Variants in POLG observed in about 807,000 individuals in gnomAD.
POLG encodes the protein DNA polymerase gamma, catalytic subunit.
In POLG, 110 loss-of-function variants were observed where a neutral mutation model predicts 155.4. The ratio of observed to expected loss-of-function variants is 0.71; its 90% CI spans 0.61 to 0.83. The LOEUF is 0.83. POLG is among the 40% of genes least tolerant of loss of function. The pLI is 0.00. For missense variants in POLG, 1,685 were observed against 1,627.5 expected, an observed-to-expected ratio of 1.04 and a Z score of -0.61; for synonymous variants, 701 against 631.5, an observed-to-expected ratio of 1.11 and a Z score of -1.65.
At chr15:89,317,759 C>CATACT in intron 21 of POLG, 1 of 477,322 alleles carries the variant, frequency 2.1e-6, no homozygotes, top group African/African-American at 2.0e-5. Flanking sequence ...ACTCAACATA[C>CATACT]TTTTTTTTTT....
intron 1 of POLG, chr15:89,334,152 T>TTTTTA: frequency 3.1e-6 from 1 of 325,322 alleles, no homozygotes; most frequent in South Asian, 2.8e-5. Context: ...AAGAGAGCAG[T>TTTTTA]ATCTGGAGTA....
chr15:89,327,902 TG>T (rs1372505433), intron 6 of POLG, among the ~76,000 whole-genome samples: 1 of 152,190 alleles, frequency 6.6e-6, no homozygotes, highest in African/African-American at 2.4e-5. Context: ...TTTCTCCTCA[TG>T]ATTTTCTTAA....
At position 89,317,381 on chromosome 15, in the gene POLG, G is replaced by A. The variant is rs1338265836; in HGVS notation, c.3638C>T (p.Pro1213Leu). 6 of 1,613,834 alleles carry A rather than the reference G, an allele frequency of 3.7e-6. No individual in the cohort carries two copies. In the Admixed American group the frequency reaches 1.0e-4, roughly 27 times the overall value. ...PTGMERRYGI[P>L]QGEALDIYQI... is the part of the protein sequence containing the mutation. The stretch of plus-strand genomic sequence containing the variant: ...AACAAATGTGTTGTGCTCACCCTGG[G>A]GAATCCCGTATCTCCTTTCCATCCC... The change falls in exon 22 of 23, where the codon CCC (proline) becomes CTC (leucine). Residue 1213 changes from proline to leucine, a missense_variant. Physicochemically the swap from Pro to Leu is moderately conservative, Grantham distance 98. Coordinates refer to ENST00000268124, the MANE Select transcript of POLG (RefSeq NM_002693.3).
chr15:89,319,188 A>G lies in POLG; in HGVS notation c.3104+40T>C, dbSNP rs752818140. 1.9e-6 allele frequency: 3 copies of G among 1,614,082 alleles called. No individual in the cohort carries two copies. The Admixed American group carries it at 5.0e-5, about 27-fold the overall frequency. ...ATCCAAGCTCTTCTGGGGCAAGCCC[A>G]GACCCCTCCCTCCATCCTTAACACA... On this transcript the variant is annotated intron_variant, in intron 19 of 22. Coordinates refer to ENST00000268124, the MANE Select transcript of POLG (RefSeq NM_002693.3).
intron 13 of POLG, 114 bp from the exon 14 acceptor site, chr15:89,323,016 A>AGGTTCT: frequency 9.4e-7 from 1 of 1,067,856 alleles, no homozygotes; most frequent in Non-Finnish European, 1.4e-6. Context: ...CAGCAGTCTG[A>AGGTTCT]GGCAAATCCC....
At chr15:89,329,796 G>A (rs1183039700) in intron 3 of POLG, among the ~76,000 whole-genome samples, 1 of 152,164 alleles carries the variant, frequency 6.6e-6, no homozygotes, top group East Asian at 1.9e-4. Context: ...AGTGAGCCCA[G>A]GCTGTGGCTC....
At position 89,323,368 on chromosome 15, in the gene POLG, G is replaced by A. The variant is rs757303144; in HGVS notation, c.2265+36C>T. The A allele has an allele frequency of 3.6e-6, 5 of 1,374,924 alleles. No individual in the cohort carries two copies. The African/African-American group carries it at 4.3e-5, about 12-fold the overall frequency. The allele number at this position is 1,374,924 out of a possible 1,614,324, so 85.2% of individuals were successfully genotyped here. On this transcript the variant is annotated intron_variant, in intron 13 of 22. Transcript: ENST00000268124. ...TGCTGTGGGCCTTGAGCAGAATGAG[G>A]AAACACCACAGGACAGGCCATGACC...
At chr15:89,323,955 T>A (rs1596354750) in intron 11 of POLG, 54 bp from the exon 12 acceptor site, 1 of 1,535,158 alleles carries the variant, frequency 6.5e-7, no homozygotes, top group East Asian at 2.2e-5. Context: ...TAGGCCCCAA[T>A]CCACCAGCCC....
rs1446759761 is a variant in POLG at position 89,322,882 on chromosome 15, C to T, written c.2286G>A (p.Val762=). ...LPHKDGNSCN[V]GSPFAKDFLP... ...GGAAGTCCTTGGCAAAGGGGCTTCC[C>T]ACATTACAGCTATTACCATCCTGGA... is the stretch of plus-strand genomic sequence containing the variant. Residue 762 remains valine, a synonymous_variant, in exon 14 of 23, where the codon GTG becomes GTA. Transcript: ENST00000268124. 1 of 1,613,002 alleles carries T rather than the reference C, an allele frequency of 6.2e-7. No individual in the cohort carries two copies. Among genetic ancestry groups the T allele is most frequent in the Admixed American group, 1.7e-5 (1 of 60,000 alleles).
rs1567189545 is a variant in POLG, at chr15:89,325,145, AGTGAGTGAGTGAGTGAGTGAGT to A, written c.1949+283_1949+304del. Among the ~76,000 whole-genome samples, 108 of 47,376 alleles carry A rather than the reference AGTGAGTGAGTGAGTGAGTGAGT, an allele frequency of 2.3e-3. 16 individuals carry two copies. The highest frequency in any genetic ancestry group is 3.1e-3 in the African/African-American group (47 of 15,374). The allele number at this position is 47,376 out of a possible 152,430, so 31.1% of individuals were successfully genotyped here. A position where few individuals can be genotyped will look rare whatever the true frequency, so the allele number is the denominator to read the frequency against. On this transcript the variant is annotated intron_variant, in intron 10 of 22. Coordinates refer to ENST00000268124, the MANE Select transcript of POLG (RefSeq NM_002693.3). ...GAGTGAGTGAGAGAGTGAGTGAGAG[AGTGAGTGAGTGAGTGAGTGAGT>A]GAGAGAGTGAGAGAGTGAGTGAGTG... is the stretch of plus-strand genomic sequence containing the variant.
At chr15:89,318,506 A>ACATG in intron 21 of POLG, 35 bp downstream of exon 21, 1 of 1,579,444 alleles carries the variant, frequency 6.3e-7, no homozygotes, top group Non-Finnish European at 8.7e-7. Flanking sequence ...ACATAGGAGC[A>ACATG]CATGGCCAGG....
At position 89,327,311 on chromosome 15, in the gene POLG, A is replaced by G. The variant is rs1567191474; in HGVS notation, c.1289T>C (p.Met430Thr). 1.2e-6 allele frequency: 2 copies of G among 1,613,990 alleles called. No homozygotes were observed. Among genetic ancestry groups the G allele is most frequent in the Non-Finnish European group, 1.7e-6 (2 of 1,180,014 alleles). Residue 430 changes from methionine to threonine, a missense_variant, in exon 7 of 23, where the codon ATG becomes ACG. Physicochemically the swap from Met to Thr is moderately conservative, Grantham distance 81. This residue lies in a region of POLG where 1,210 missense variants were observed against 1,167.1 expected (regional missense o/e 1.04). Coordinates refer to ENST00000268124, the MANE Select transcript of POLG (RefSeq NM_002693.3). Reference sequence around the variant, plus strand: ...GTTGACAGGCAGGTAGGAGACACCCATCTCCAGCATGCCGGCCAGAGTCAC... The same window carrying G: ...GTTGACAGGCAGGTAGGAGACACCCGTCTCCAGCATGCCGGCCAGAGTCAC... The part of the protein sequence containing the change: ...HPVTLAGMLE[M>T]GVSYLPVNQN...
At position 89,321,718 on chromosome 15, in the gene POLG, G is replaced by C; in HGVS notation, c.2598+18C>G. On this transcript the variant is annotated intron_variant, in intron 16 of 22. Transcript: ENST00000268124. The stretch of plus-strand genomic sequence containing the variant: ...TGGGAGAGGAAGAGCAGGGGCCAGA[G>C]GTACAGAGGTCACATACCCGGGCAT... 1 of 1,557,844 alleles carries C rather than the reference G, an allele frequency of 6.4e-7. No individual in the cohort carries two copies. The highest frequency in any genetic ancestry group is 1.4e-5 in the African/African-American group (1 of 73,980).
intron 3 of POLG, 149 bp from the exon 4 acceptor site, chr15:89,329,259 C>A: frequency 1.5e-6 from 1 of 689,652 alleles, no homozygotes; most frequent in South Asian, 1.7e-5. Flanking sequence ...ACACCAAATA[C>A]AGAATCCTCA....
chr15:89,321,856 G>A lies in POLG; in HGVS notation c.2481-3C>T, dbSNP rs759180038. The A allele has an allele frequency of 6.2e-7, 1 of 1,612,580 alleles. No homozygotes were observed. Among genetic ancestry groups the A allele is most frequent in the Non-Finnish European group, 8.5e-7 (1 of 1,178,618 alleles). On this transcript the variant is annotated splice_region_variant and splice_polypyrimidine_tract_variant and intron_variant, in intron 15 of 22. Transcript: ENST00000268124. ...CTTCCTCATCATAGTCGGGGTGCCTGGTGGGGTGCAGGGGAAGGAAATGGG... is the reference window on the plus strand; with the variant it reads ...CTTCCTCATCATAGTCGGGGTGCCTAGTGGGGTGCAGGGGAAGGAAATGGG...
At position 89,325,241 on chromosome 15, in the gene POLG, AGTG is replaced by A. The variant is rs1567189930; in HGVS notation, c.1949+206_1949+208del. On this transcript the variant is annotated intron_variant, in intron 10 of 22. Transcript: ENST00000268124. ...GAGTGAGAGAGTGAGTGAGAGAGTG[AGTG>A]AGTGAGAGAGAGAGTGAGTGAGTGA... 1.5e-4 allele frequency among the ~76,000 whole-genome samples: 16 copies of A among 104,654 alleles called. 3 individuals are homozygous for A. Among genetic ancestry groups the A allele is most frequent in the African/African-American group, 6.5e-4 (14 of 21,624 alleles). The allele number at this position is 104,654 out of a possible 152,430, so 68.7% of individuals were successfully genotyped here.
rs796052882 is a variant in POLG, at chr15:89,323,827, T to C, written c.2145A>G (p.Gln715=). The change falls in exon 12 of 23, where the codon CAA becomes CAG. Residue 715 remains glutamine, a synonymous_variant. Coordinates refer to ENST00000268124, the MANE Select transcript of POLG (RefSeq NM_002693.3). The part of the protein sequence containing the change: ...MENLRAAVPG[Q]PLALTARGGP... ...GCGCACTGCTCACCAGAGCTAGGGG[T>C]TGACCTGGCACTGCAGCTCGCAAGT... is the stretch of plus-strand genomic sequence containing the variant. The C allele has an allele frequency of 3.7e-6, 6 of 1,613,656 alleles. No homozygotes were observed. The highest frequency in any genetic ancestry group is 1.1e-5 in the South Asian group (1 of 91,068).
At chr15:89,332,786 G>A (rs1165411383) in intron 2 of POLG, among the ~76,000 whole-genome samples, 1 of 152,156 alleles carries the variant, frequency 6.6e-6, no homozygotes, top group African/African-American at 2.4e-5. Context: ...ACGCTATTAG[G>A]AGAGGGGGTA....
At chr15:89,333,054 G>A in intron 2 of POLG, 42 bp downstream of exon 2, 1 of 1,499,980 alleles carries the variant, frequency 6.7e-7, no homozygotes, top group Admixed American at 2.3e-5. Flanking sequence ...ATTAAGCTGG[G>A]CCCCCATGCC....
Sources: gnomAD v4.1 joint callset for allele counts (sites outside exome capture counted in the v4.1 genomes callset) on GRCh38, gnomAD v4.1.1 for gene constraint, gnomAD v4.1.1 regional missense constraint, MANE v1.5 for transcripts, NCBI Gene and HGNC (gene_info 2026-07-23, HGNC 2026-07-21) for gene names.